ZNF732: variants seen among roughly 807,000 people sequenced by gnomAD.
The protein encoded by ZNF732 is zinc finger protein LOC654254.
ZNF732 carries 12 observed loss-of-function variants against 11.5 expected under a neutral mutation model. The ratio of observed to expected loss-of-function variants is 1.05; its 90% CI spans 0.67 to 1.70. The LOEUF is 1.70. Among genes scored for constraint, ZNF732 ranks in the 40% most tolerant of loss-of-function variants. The pLI, the probability that ZNF732 is intolerant of heterozygous loss-of-function variation, is 0.00. For synonymous variants in ZNF732, 231 were observed against 236.5 expected (o/e 0.98, Z 0.21); for missense variants, 702 against 676.9 (o/e 1.04, Z -0.41).
intron 3 of ZNF732, among the ~76,000 whole-genome samples, chr4:283,912 T>C (rs917291834): frequency 6.6e-6 from 1 of 151,852 alleles, no homozygotes; most frequent in Non-Finnish European, 1.5e-5. Flanking sequence ...CTTGTTTGTG[T>C]TTTTTTTAGT....
chr4:282,658 C>T (rs1163241913), intron 3 of ZNF732, among the ~76,000 whole-genome samples: 3 of 152,026 alleles, frequency 2.0e-5, no homozygotes, highest in Non-Finnish European at 2.9e-5. Flanking sequence ...GCTGTGAACC[C>T]ACCACTGCAC....
At position 287,461 on chromosome 4, in the gene ZNF732, C is replaced by T. The variant is rs1553840750; in HGVS notation, c.226+7977G>A. On this transcript the variant is annotated intron_variant, in intron 3 of 3. Transcript: ENST00000419098. ...AACTCCTGACCTCTGGTGATCCACC[C>T]GCCTCGGCCTCCCAAAGTGCTAGGA... Among the ~76,000 whole-genome samples, 7 of 151,930 alleles carry T rather than the reference C, an allele frequency of 4.6e-5. No homozygotes were observed. The South Asian group carries it at 8.3e-4, about 18-fold the overall frequency.
chr4:301,952 C>A (rs559817247), intron 1 of ZNF732, among the ~76,000 whole-genome samples: 1 of 152,250 alleles, frequency 6.6e-6, no homozygotes, highest in Non-Finnish European at 1.5e-5. Flanking sequence ...GGATTATGGG[C>A]CCCATGATCA....
chr4:296,245 T>C, intron 1 of ZNF732, 90 bp from the exon 2 acceptor site: 1 of 1,491,900 alleles, frequency 6.7e-7, no homozygotes, highest in Non-Finnish European at 9.1e-7. Context: ...TGTGACTGAC[T>C]GAGATTATCT....
Position 305,391 on chromosome 4 carries a change from C to A in ZNF732, c.-81G>T. 6.3e-7 allele frequency: 1 copy of A among 1,592,280 alleles called. No individual in the cohort carries two copies. On this transcript the variant is annotated 5_prime_UTR_variant, in exon 1 of 4. Transcript: ENST00000419098. ...GGTCACAGAGCGACGGAGGCTGAGG[C>A]TGTGACCGAATCACCGACGCCTCCC...
In ZNF732 at chr4:270,677, A is replaced by G; in HGVS notation, c.*422T>C. 2.6e-6 allele frequency: 1 copy of G among 384,510 alleles called. No individual in the cohort carries two copies. Among genetic ancestry groups the G allele is most frequent in the Non-Finnish European group, 5.1e-6 (1 of 195,558 alleles). 23.8% of individuals were successfully genotyped at this position (384,510 alleles called of 1,614,324 possible). On this transcript the variant is annotated 3_prime_UTR_variant, in exon 4 of 4. Coordinates refer to ENST00000419098, the MANE Select transcript of ZNF732 (RefSeq NM_001137608.3). ...GTAATGACTTTGCCAGATTCCTTAC[A>G]TTTGTAGGTGTTCTCTCCATTATGA...
intron 3 of ZNF732, among the ~76,000 whole-genome samples, chr4:284,077 AT>A (rs1309014793): frequency 5.5e-4 from 84 of 152,072 alleles, no homozygotes; most frequent in Non-Finnish European, 7.9e-4. Flanking sequence ...CGCCCGGCTA[AT>A]TTTTTTGTAT....
intron 3 of ZNF732, among the ~76,000 whole-genome samples, chr4:284,231 A>T (rs1719678404): frequency 6.6e-6 from 1 of 152,154 alleles, no homozygotes; most frequent in African/African-American, 2.4e-5. Context: ...TCAAGTTTTT[A>T]AATTACAATT....
At chr4:292,257 A>C (rs530997567) in intron 3 of ZNF732, among the ~76,000 whole-genome samples, 5 of 152,258 alleles carry the variant, frequency 3.3e-5, no homozygotes, top group Non-Finnish European at 2.9e-5. Flanking sequence ...AGAAAACAAA[A>C]TTTCTAAAAA....
intron 3 of ZNF732, among the ~76,000 whole-genome samples, chr4:287,283 C>T (rs1056494617): frequency 5.9e-5 from 9 of 151,406 alleles, no homozygotes; most frequent in Non-Finnish European, 8.8e-5. Context: ...GGCGTGATCT[C>T]GGCTCACTGC....
At chr4:284,655 G>A (rs572608323) in intron 3 of ZNF732, among the ~76,000 whole-genome samples, 2 of 151,726 alleles carry the variant, frequency 1.3e-5, no homozygotes, top group South Asian at 4.2e-4. Flanking sequence ...GGTGGATCAC[G>A]AGATCAGGCA....
At chr4:292,944 T>TGTA (rs1719870360) in intron 3 of ZNF732, among the ~76,000 whole-genome samples, 1 of 140,806 alleles carries the variant, frequency 7.1e-6, no homozygotes, top group South Asian at 2.3e-4. Flanking sequence ...GTTAGGTACC[T>TGTA]GTAGTCCCAG....
At chr4:299,362 CACATAT>C (rs1560164948) in intron 1 of ZNF732, among the ~76,000 whole-genome samples, 7 of 106,300 alleles carry the variant, frequency 6.6e-5, no homozygotes, top group African/African-American at 2.2e-4. Context: ...CACATATATA[CACATAT>C]GTGTATATAT....
chr4:282,521 A>G (rs915639620), intron 3 of ZNF732, among the ~76,000 whole-genome samples: 7 of 152,210 alleles, frequency 4.6e-5, no homozygotes, highest in Non-Finnish European at 8.8e-5. Context: ...AACATGGCAA[A>G]ACCCTGTCTC....
At chr4:283,267 T>C (rs547504511) in intron 3 of ZNF732, among the ~76,000 whole-genome samples, 3 of 152,310 alleles carry the variant, frequency 2.0e-5, no homozygotes, top group East Asian at 1.9e-4. Context: ...TTCTATTCTT[T>C]ATAAATTACC....
chr4:279,008 G>C (rs551910063), intron 3 of ZNF732, among the ~76,000 whole-genome samples: 17 of 152,252 alleles, frequency 1.1e-4, no homozygotes, highest in Non-Finnish European at 2.4e-4. Context: ...CATTTACATG[G>C]GATAAAGGTT....
chr4:295,993 G>A (rs980237723), intron 2 of ZNF732, 36 bp downstream of exon 2: 1 of 1,597,224 alleles, frequency 6.3e-7, no homozygotes, highest in Non-Finnish European at 8.5e-7. Context: ...ACTCCCTGAG[G>A]GAGTATTAGG....
At position 271,789 on chromosome 4, in the gene ZNF732, A is replaced by G. The variant is rs1719376568; in HGVS notation, c.1068T>C (p.His356=). 1.2e-6 allele frequency: 2 copies of G among 1,612,388 alleles called. No homozygotes were observed. Among genetic ancestry groups the G allele is most frequent in the African/African-American group, 1.3e-5 (1 of 74,886 alleles). Residue 356 remains histidine, a synonymous_variant, in exon 4 of 4, where the codon CAT becomes CAC. Transcript: ENST00000419098. The part of the protein sequence containing the change: ...SSVLNEHKRI[H]TGEKPYKCEQ... ...CACATTTGTAGGGCTTCTCTCCAGT[A>G]TGAATTCTCTTATGTTCATTCAGAA... is the stretch of plus-strand genomic sequence containing the variant.
chr4:282,160 A>T (rs1265323385), intron 3 of ZNF732, among the ~76,000 whole-genome samples: 1 of 152,178 alleles, frequency 6.6e-6, no homozygotes, highest in Non-Finnish European at 1.5e-5. Context: ...TTTTTTTAAA[A>T]AAGTGAATAA....
Sources: gnomAD v4.1 joint callset for allele counts (sites outside exome capture counted in the v4.1 genomes callset) on GRCh38, gnomAD v4.1.1 for gene constraint, MANE v1.5 for transcripts, NCBI Gene and HGNC (gene_info 2026-07-23, HGNC 2026-07-21) for gene names.